Variants in SPECC1 observed in about 807,000 individuals in gnomAD.
SPECC1 encodes the protein sperm antigen with calponin homology and coiled-coil domains 1.
SPECC1 carries 62 observed loss-of-function variants against 104.1 expected under a neutral mutation model. The ratio of observed to expected loss-of-function variants is 0.60; its 90% CI spans 0.49 to 0.74. The LOEUF (loss-of-function observed/expected upper bound fraction) is 0.74, where lower values mean the gene tolerates loss of function less well. Ranked by LOEUF, SPECC1 falls within the 30% of genes least tolerant of loss-of-function variation. SPECC1 has a pLI of 0.00. For missense variants in SPECC1, 1,306 were observed against 1,310.5 expected, an observed-to-expected ratio of 1.00 and a Z score of 0.05; for synonymous variants, 513 against 501.6, an observed-to-expected ratio of 1.02 and a Z score of -0.30.
chr17:20,038,985 T>TA lies in SPECC1; in HGVS notation c.-22+29562dup, dbSNP rs769652190. ...CCATATGTTTCACCCACTTAAAACG[T>TA]ACAATTCAATGGCCTTTTTTATATT... On this transcript the variant is annotated intron_variant, in intron 1 of 14. Transcript: ENST00000395527. Among the ~76,000 whole-genome samples the TA allele has an allele frequency of 6.6e-5, 10 of 152,354 alleles. No individual in the cohort carries two copies. In the South Asian group the frequency reaches 1.2e-3, roughly 19 times the overall value.
At chr17:20,029,973 C>T (rs994279819) in intron 1 of SPECC1, among the ~76,000 whole-genome samples, 1 of 152,038 alleles carries the variant, frequency 6.6e-6, no homozygotes, top group African/African-American at 2.4e-5. Context: ...CCAAGGAGCA[C>T]TTAGGGTTAC....
intron 4 of SPECC1, among the ~76,000 whole-genome samples, chr17:20,218,290 C>G (rs1193640756): frequency 2.0e-5 from 3 of 152,102 alleles, no homozygotes; most frequent in Non-Finnish European, 2.9e-5. Flanking sequence ...TGCCCACCCC[C>G]CAACCCTGCA....
intron 1 of SPECC1, among the ~76,000 whole-genome samples, chr17:20,023,507 G>C (rs1043485602): frequency 6.6e-6 from 1 of 152,174 alleles, no homozygotes; most frequent in African/African-American, 2.4e-5. Context: ...GGACACGGGA[G>C]AGCACACAAT....
At chr17:20,159,655 G>C (rs1365387687) in intron 3 of SPECC1, among the ~76,000 whole-genome samples, 1 of 152,230 alleles carries the variant, frequency 6.6e-6, no homozygotes, top group Non-Finnish European at 1.5e-5. Context: ...AGTCCTCCGA[G>C]TTGGGACATC....
At chr17:20,313,582 GC>G (rs2142257346) in intron 14 of SPECC1, among the ~76,000 whole-genome samples, 1 of 152,340 alleles carries the variant, frequency 6.6e-6, no homozygotes, top group East Asian at 1.9e-4. Context: ...TAATGGCACA[GC>G]CCACGTAATA....
intron 3 of SPECC1, among the ~76,000 whole-genome samples, chr17:20,174,050 A>C (rs187743709): frequency 6.6e-6 from 1 of 151,594 alleles, no homozygotes; most frequent in South Asian, 2.1e-4. Context: ...CTCCTGCTCA[A>C]CCTCCCAAGT....
intron 10 of SPECC1, among the ~76,000 whole-genome samples, chr17:20,255,870 C>A (rs1258424566): frequency 6.6e-6 from 1 of 151,534 alleles, no homozygotes; most frequent in Admixed American, 6.6e-5. Context: ...TCATGCCTGG[C>A]CAAGAAACCA....
Position 20,314,854 on chromosome 17 carries a change from T to C in SPECC1, c.*789T>C. 4.3e-6 allele frequency: 1 copy of C among 231,548 alleles called. No homozygotes were observed. The highest frequency in any genetic ancestry group is 8.6e-6 in the Non-Finnish European group (1 of 116,944). The allele number at this position is 231,548 out of a possible 1,614,324, so 14.3% of individuals were successfully genotyped here. ...CACTTTTAGCTCTCACCATCCCTTA[T>C]TTGATTTATTGTAGCAAAAGGAAAG... On this transcript the variant is annotated 3_prime_UTR_variant, in exon 15 of 15. Transcript: ENST00000395527.
intron 3 of SPECC1, among the ~76,000 whole-genome samples, chr17:20,177,526 A>C (rs1383084927): frequency 6.6e-6 from 1 of 152,192 alleles, no homozygotes; most frequent in African/African-American, 2.4e-5. Flanking sequence ...CTGTTTACCC[A>C]GTTGAAACCT....
At chr17:20,012,655 C>T (rs1322902959) in intron 1 of SPECC1, among the ~76,000 whole-genome samples, 1 of 151,786 alleles carries the variant, frequency 6.6e-6, no homozygotes, top group East Asian at 1.9e-4. Flanking sequence ...TAGCTTATGG[C>T]TGGATTTTGT....
intron 1 of SPECC1, among the ~76,000 whole-genome samples, chr17:20,054,686 G>GT (rs908727853): frequency 4.6e-5 from 7 of 151,634 alleles, no homozygotes; most frequent in African/African-American, 1.7e-4. Flanking sequence ...TTTTTTGGGG[G>GT]GGGTGGTGTC....
At chr17:20,117,715 A>AC (rs1256960641) in intron 3 of SPECC1, among the ~76,000 whole-genome samples, 1 of 145,426 alleles carries the variant, frequency 6.9e-6, no homozygotes, top group East Asian at 2.0e-4. Flanking sequence ...AAAAAAAAAA[A>AC]AAAAAAGAAA....
At chr17:20,250,497 A>G (rs982962346) in intron 9 of SPECC1, among the ~76,000 whole-genome samples, 4 of 152,364 alleles carry the variant, frequency 2.6e-5, no homozygotes, top group East Asian at 3.8e-4. Context: ...TGTGCTATAA[A>G]TTAGAAAATA....
chr17:20,133,149 CT>C (rs1041109876), intron 3 of SPECC1, among the ~76,000 whole-genome samples: 1 of 152,022 alleles, frequency 6.6e-6, no homozygotes, highest in African/African-American at 2.4e-5. Flanking sequence ...TATTCTTTCT[CT>C]TTTTTTGTCA....
chr17:20,180,865 ACATTTTCCCCTAGGT>A (rs1359828390), intron 3 of SPECC1, among the ~76,000 whole-genome samples: 2 of 152,350 alleles, frequency 1.3e-5, no homozygotes, highest in East Asian at 3.9e-4. Flanking sequence ...CAGGGAATGT[ACATTTTCCCCTAGGT>A]CTAGGGAGTA....
chr17:20,230,091 T>G (rs1182522774), intron 5 of SPECC1, among the ~76,000 whole-genome samples: 1 of 152,168 alleles, frequency 6.6e-6, no homozygotes, highest in Non-Finnish European at 1.5e-5. Flanking sequence ...TTTCCATGGT[T>G]GATGAGCCTG....
At chr17:20,109,815 T>C (rs2048393553) in intron 2 of SPECC1, among the ~76,000 whole-genome samples, 1 of 152,176 alleles carries the variant, frequency 6.6e-6, no homozygotes, top group African/African-American at 2.4e-5. Context: ...TTTCATTGGT[T>C]CCCATTCTTT....
At chr17:20,312,545 TTC>T (rs760486178) in intron 14 of SPECC1, among the ~76,000 whole-genome samples, 3 of 152,188 alleles carry the variant, frequency 2.0e-5, no homozygotes, top group Non-Finnish European at 2.9e-5. Context: ...ATCCCTTCTT[TTC>T]CCAGAGCTCA....
chr17:20,078,217 C>T (rs1328735464), intron 1 of SPECC1, among the ~76,000 whole-genome samples: 2 of 150,832 alleles, frequency 1.3e-5, no homozygotes, highest in African/African-American at 4.9e-5. Flanking sequence ...AAGAATGACA[C>T]GTTTGAGTTG....
Sources: allele counts gnomAD v4.1 joint callset (sites outside exome capture counted in the v4.1 genomes callset), GRCh38; gene constraint gnomAD v4.1.1; transcripts MANE v1.5; gene names NCBI Gene and HGNC (gene_info 2026-07-23, HGNC 2026-07-21).